The following SGCD variants were observed in gnomAD, a reference collection of about 807,000 sequenced individuals.
The protein encoded by SGCD is delta-sarcoglycan.
In SGCD, 18 loss-of-function variants were observed where a neutral mutation model predicts 36.6. That is an observed-to-expected ratio of 0.49 (90% CI 0.34 to 0.73). The LOEUF (loss-of-function observed/expected upper bound fraction) is 0.73, where lower values mean the gene tolerates loss of function less well. SGCD is among the 30% of genes least tolerant of loss of function. The probability of loss-of-function intolerance (pLI) is 0.01; values close to 1 mark genes in which losing one functional copy is unlikely to be tolerated. For missense variants in SGCD, 387 were observed against 346.7 expected (o/e 1.12, Z -0.92); for synonymous variants, 133 against 130.6 (o/e 1.02, Z -0.12).
intron 5 of SGCD, among the ~76,000 whole-genome samples, chr5:156,593,042 A>G (rs1213445659): frequency 6.6e-6 from 1 of 152,098 alleles, no homozygotes; most frequent in Non-Finnish European, 1.5e-5. Flanking sequence ...CCACCCATAG[A>G]TTTCTTTTTA....
chr5:156,128,198 G>A (rs1356898381), intron 3 of SGCD, among the ~76,000 whole-genome samples: 4 of 152,090 alleles, frequency 2.6e-5, no homozygotes, highest in Non-Finnish European at 4.4e-5. Flanking sequence ...ACTTCTACAC[G>A]CTTATCAGAA....
intron 3 of SGCD, among the ~76,000 whole-genome samples, chr5:156,197,683 T>C (rs10475681): frequency 1.1e-4 from 17 of 152,118 alleles, no homozygotes; most frequent in African/African-American, 4.1e-4. Context: ...CTTACAAATC[T>C]TAATTACATG....
rs552887212 is a variant in SGCD, at chr5:156,099,137, G to A, written c.-281-18741G>A. Among the ~76,000 whole-genome samples the A allele has an allele frequency of 2.0e-5, 3 of 152,326 alleles. No homozygotes were observed. The East Asian group carries it at 5.8e-4, about 29-fold the overall frequency. ...GAGAGACAATACATCTGGTTGCTAT[G>A]CTGTTCCTCCCAACCTGGGATCCTA... On this transcript the variant is annotated intron_variant, in intron 1 of 9. Coordinates refer to the SGCD transcript ENST00000517913.
Position 156,406,819 on chromosome 5 carries a change from TACACAC to T in SGCD, c.192+62160_192+62165del, listed in dbSNP as rs58920671. On this transcript the variant is annotated intron_variant, in intron 3 of 8. Coordinates refer to ENST00000337851, the MANE Select transcript of SGCD (RefSeq NM_000337.6). ...ATATATATATATATATATATATATA[TACACAC>T]ACACACACACACACACATATATATG... 8.4e-3 allele frequency among the ~76,000 whole-genome samples: 865 copies of T among 103,580 alleles called. 19 individuals carry two copies. Among genetic ancestry groups the T allele is most frequent in the Middle Eastern group, 0.033 (6 of 180 alleles). The allele number at this position is 103,580 out of a possible 152,430, so 68.0% of individuals were successfully genotyped here.
At chr5:156,589,648 A>C (rs1760644184) in intron 5 of SGCD, among the ~76,000 whole-genome samples, 2 of 152,210 alleles carry the variant, frequency 1.3e-5, no homozygotes, top group African/African-American at 4.8e-5. Flanking sequence ...CCAATGCTGG[A>C]GGAAAAACAG....
chr5:156,424,229 A>G (rs11135200), intron 3 of SGCD, among the ~76,000 whole-genome samples: 7,418 of 152,016 alleles, frequency 0.049, 377 homozygotes, highest in African/African-American at 0.12. Context: ...ATTTTCATAA[A>G]TAAAATGGTG....
chr5:155,789,804 A>G, the SGCD span, among the ~76,000 whole-genome samples: 1 of 152,114 alleles, frequency 6.6e-6, no homozygotes, highest in Non-Finnish European at 1.5e-5. Context: ...ATAAGAATTC[A>G]GAGGTTGGTA....
At chr5:156,512,666 T>G (rs1343635636) in intron 4 of SGCD, among the ~76,000 whole-genome samples, 5 of 152,210 alleles carry the variant, frequency 3.3e-5, no homozygotes, top group African/African-American at 1.2e-4. Context: ...ATCTGATAAG[T>G]TCTAAAATAT....
intron 1 of SGCD, among the ~76,000 whole-genome samples, chr5:156,104,463 C>T (rs1761596312): frequency 6.6e-6 from 1 of 152,196 alleles, no homozygotes; most frequent in African/African-American, 2.4e-5. Flanking sequence ...TATTGAATCT[C>T]ACTTTAAAGA....
intron 6 of SGCD, among the ~76,000 whole-genome samples, chr5:156,622,545 T>C (rs1345527227): frequency 6.6e-6 from 1 of 151,370 alleles, no homozygotes; most frequent in Non-Finnish European, 1.5e-5. Context: ...GACAGATTTT[T>C]TTTTTGTAAA....
chr5:156,237,926 G>C (rs1196885824), intron 3 of SGCD, among the ~76,000 whole-genome samples: 3 of 151,826 alleles, frequency 2.0e-5, no homozygotes, highest in Non-Finnish European at 4.4e-5. Flanking sequence ...AAGGCTAGAA[G>C]GAAAAATTAA....
At chr5:155,967,871 C>T (rs1347114901) in intron 1 of SGCD, among the ~76,000 whole-genome samples, 1 of 152,166 alleles carries the variant, frequency 6.6e-6, no homozygotes, top group African/African-American at 2.4e-5. Flanking sequence ...CACTGAGACA[C>T]CTTTTTTTCT....
At chr5:155,911,786 A>G (rs927110167) in intron 1 of SGCD, among the ~76,000 whole-genome samples, 2 of 152,066 alleles carry the variant, frequency 1.3e-5, no homozygotes, top group Non-Finnish European at 2.9e-5. Context: ...GCCATGTGGC[A>G]TGAAAAAATA....
intron 1 of SGCD, among the ~76,000 whole-genome samples, chr5:155,954,916 A>G (rs1417660443): frequency 1.3e-5 from 2 of 152,154 alleles, no homozygotes; most frequent in Non-Finnish European, 2.9e-5. Flanking sequence ...AGAAGAGCCA[A>G]TGGTGCAAGT....
chr5:155,926,686 G>C (rs1162800587), intron 1 of SGCD, among the ~76,000 whole-genome samples: 1 of 152,050 alleles, frequency 6.6e-6, no homozygotes, highest in African/African-American at 2.4e-5. Flanking sequence ...ATTGCAAACA[G>C]GAAATATTCC....
intron 3 of SGCD, among the ~76,000 whole-genome samples, chr5:156,253,869 C>T (rs572023131): frequency 6.6e-6 from 1 of 152,020 alleles, no homozygotes; most frequent in South Asian, 2.1e-4. Flanking sequence ...CAATGTTTTC[C>T]CTAACTCCAA....
intron 4 of SGCD, among the ~76,000 whole-genome samples, chr5:156,575,120 T>C (rs1429503666): frequency 6.6e-6 from 1 of 151,946 alleles, no homozygotes; most frequent in Non-Finnish European, 1.5e-5. Flanking sequence ...CAGCAAAGAG[T>C]GGGGTGGAAC....
intron 3 of SGCD, among the ~76,000 whole-genome samples, chr5:156,152,485 T>C (rs1402468174): frequency 6.6e-6 from 1 of 151,666 alleles, no homozygotes; most frequent in African/African-American, 2.4e-5. Flanking sequence ...CAAGTTCAAA[T>C]TGAGACGTGC....
chr5:156,684,724 A>G (rs979866454), intron 7 of SGCD, among the ~76,000 whole-genome samples: 1 of 152,232 alleles, frequency 6.6e-6, no homozygotes, highest in Non-Finnish European at 1.5e-5. Flanking sequence ...ACCAGCCTCT[A>G]ATACATCACA....
Sources: allele counts gnomAD v4.1 joint callset (sites outside exome capture counted in the v4.1 genomes callset), GRCh38; gene constraint gnomAD v4.1.1; transcripts MANE v1.5; gene names NCBI Gene and HGNC (gene_info 2026-07-23, HGNC 2026-07-21).